CWC27: variants seen among roughly 807,000 people sequenced by gnomAD.
The protein encoded by CWC27 is CWC27 spliceosome associated cyclophilin, also known as spliceosome-associated protein CWC27 homolog.
Under a neutral mutation model 63.6 loss-of-function variants are expected in CWC27, and 47 were observed. The observed-to-expected ratio is 0.74, with a 90% CI of 0.58 to 0.94. The LOEUF (loss-of-function observed/expected upper bound fraction) is 0.94. Among genes scored for constraint, CWC27 ranks in the 40% least tolerant of loss-of-function variants. CWC27 has a pLI of 0.00. For synonymous variants in CWC27, 175 were observed against 179.8 expected, an observed-to-expected ratio of 0.97 and a Z score of 0.22; for missense variants, 495 against 554.3, an observed-to-expected ratio of 0.89 and a Z score of 1.07.
intron 11 of CWC27, among the ~76,000 whole-genome samples, chr5:64,934,423 G>A (rs1282720804): frequency 6.6e-6 from 1 of 152,200 alleles, no homozygotes; most frequent in East Asian, 1.9e-4. Context: ...CCCTGCAAAG[G>A]ACATGAGTTC....
At chr5:64,973,060 C>A (rs1749154062) in intron 12 of CWC27, among the ~76,000 whole-genome samples, 1 of 152,104 alleles carries the variant, frequency 6.6e-6, no homozygotes, top group South Asian at 2.1e-4. Flanking sequence ...AGAGGCAGAG[C>A]ATGGCTAGAC....
chr5:64,917,679 A>G (rs1195134716), intron 11 of CWC27, among the ~76,000 whole-genome samples: 1 of 152,050 alleles, frequency 6.6e-6, no homozygotes, highest in Admixed American at 6.6e-5. Flanking sequence ...ATAAGGAGGA[A>G]CTCCATCTGC....
At chr5:64,787,023 T>G (rs1364650326) in intron 6 of CWC27, among the ~76,000 whole-genome samples, 2 of 151,358 alleles carry the variant, frequency 1.3e-5, no homozygotes, top group East Asian at 3.9e-4. Flanking sequence ...AGAGAGCGAG[T>G]GGGAAGGAGG....
At chr5:64,933,504 T>TC (rs1197790613) in intron 11 of CWC27, among the ~76,000 whole-genome samples, 1 of 150,824 alleles carries the variant, frequency 6.6e-6, no homozygotes, top group Admixed American at 6.6e-5. Context: ...TCTTTTTTTT[T>TC]TTTTTTTTGA....
chr5:64,772,845 G>T (rs935539213), intron 1 of CWC27, among the ~76,000 whole-genome samples: 1 of 151,554 alleles, frequency 6.6e-6, no homozygotes, highest in African/African-American at 2.4e-5. Flanking sequence ...GCTGAGGCAG[G>T]AGAATTGCTT....
intron 7 of CWC27, among the ~76,000 whole-genome samples, chr5:64,796,002 C>CGTGTGTGTGTGTGT (rs56699605): frequency 7.4e-6 from 1 of 135,772 alleles, no homozygotes; most frequent in East Asian, 2.1e-4. Context: ...AGAAATTGTG[C>CGTGTGTGTGTGTGT]GTGTGTGTGT....
At chr5:64,911,922 A>AT (rs1747793931) in intron 11 of CWC27, among the ~76,000 whole-genome samples, 1 of 151,926 alleles carries the variant, frequency 6.6e-6, no homozygotes, top group African/African-American at 2.4e-5. Context: ...AAAATACAAA[A>AT]AATTAGCCAA....
At chr5:64,826,689 T>A (rs1339529895) in intron 10 of CWC27, among the ~76,000 whole-genome samples, 1 of 132,080 alleles carries the variant, frequency 7.6e-6, no homozygotes, top group African/African-American at 2.9e-5. Flanking sequence ...AATTTTTAAC[T>A]TTGGTGTTTT....
chr5:64,807,511 G>A (rs1744724696), intron 10 of CWC27: 3 of 1,399,068 alleles, frequency 2.1e-6, no homozygotes, highest in Non-Finnish European at 2.8e-6. Flanking sequence ...TAGAGAATCG[G>A]CACCCTTATA....
At chr5:64,906,322 C>G (rs754532737) in intron 11 of CWC27, among the ~76,000 whole-genome samples, 47 of 152,312 alleles carry the variant, frequency 3.1e-4, no homozygotes, top group Admixed American at 7.2e-4. Flanking sequence ...CACATCCTTT[C>G]CAATATCTGT....
rs70983655 is a variant in CWC27 at position 64,940,842 on chromosome 5, C to CTT, written c.1043-30838_1043-30837dup. Among the ~76,000 whole-genome samples, 474 of 64,918 alleles carry CTT rather than the reference C, an allele frequency of 7.3e-3. 1 individual carries two copies. Among genetic ancestry groups the CTT allele is most frequent in the East Asian group, 0.01 (23 of 2,212 alleles). 42.6% of individuals were successfully genotyped at this position (64,918 alleles called of 152,430 possible). A position where few individuals can be genotyped will look rare whatever the true frequency, so the allele number is the denominator to read the frequency against. On this transcript the variant is annotated intron_variant, in intron 11 of 13. Transcript: ENST00000381070. ...AAGCTGGCTTTTTCTTTCTTTCTTT[C>CTT]TTTTTTTTTTTTTTTTTTTTTTTTG...
chr5:64,949,364 C>G (rs1446595538), intron 11 of CWC27, among the ~76,000 whole-genome samples: 1 of 151,870 alleles, frequency 6.6e-6, no homozygotes, highest in Non-Finnish European at 1.5e-5. Context: ...AAACTCCATC[C>G]CTCTCCCTAC....
At chr5:65,000,448 T>A (rs757119047) in intron 13 of CWC27, among the ~76,000 whole-genome samples, 1 of 152,070 alleles carries the variant, frequency 6.6e-6, no homozygotes, top group Non-Finnish European at 1.5e-5. Flanking sequence ...TTTATAGTTT[T>A]ATAGTTTCAG....
chr5:64,817,610 A>AT (rs1745077498), intron 10 of CWC27, among the ~76,000 whole-genome samples: 1 of 152,136 alleles, frequency 6.6e-6, no homozygotes, highest in African/African-American at 2.4e-5. Context: ...TAATTGTCTT[A>AT]TAACAGCAGA....
At chr5:64,923,662 A>T (rs1329619300) in intron 11 of CWC27, among the ~76,000 whole-genome samples, 1 of 148,054 alleles carries the variant, frequency 6.8e-6, no homozygotes, top group East Asian at 2.0e-4. Context: ...TGAATTTTTT[A>T]AAATCTGTAT....
chr5:64,828,125 A>AGAAT (rs1416358702), intron 10 of CWC27, among the ~76,000 whole-genome samples: 7 of 151,730 alleles, frequency 4.6e-5, no homozygotes, highest in African/African-American at 1.7e-4. Context: ...AATAATTTTC[A>AGAAT]GAATTTTTCA....
At chr5:64,963,880 A>G (rs996725158) in intron 11 of CWC27, among the ~76,000 whole-genome samples, 3 of 152,236 alleles carry the variant, frequency 2.0e-5, no homozygotes, top group Admixed American at 1.3e-4. Flanking sequence ...GCCAGTGGGT[A>G]TAACAGGAGG....
At chr5:64,858,831 T>C (rs1746326744) in intron 10 of CWC27, among the ~76,000 whole-genome samples, 1 of 152,166 alleles carries the variant, frequency 6.6e-6, no homozygotes, top group Non-Finnish European at 1.5e-5. Flanking sequence ...AATTTGACAG[T>C]CTTTATAAAG....
intron 1 of CWC27, among the ~76,000 whole-genome samples, chr5:64,769,994 A>G (rs566407844): frequency 1.3e-5 from 2 of 152,356 alleles, no homozygotes; most frequent in African/African-American, 2.4e-5. Context: ...CCTAGCTTAT[A>G]TCACATATGA....
Sources: allele counts gnomAD v4.1 joint callset (sites outside exome capture counted in the v4.1 genomes callset), GRCh38; gene constraint gnomAD v4.1.1; transcripts MANE v1.5; gene names NCBI Gene and HGNC (gene_info 2026-07-23, HGNC 2026-07-21).